TMEM61: variants seen among roughly 807,000 people sequenced by gnomAD.
TMEM61 encodes transmembrane protein 61.
TMEM61 carries 13 observed loss-of-function variants against 12.0 expected under a neutral mutation model. The ratio of observed to expected loss-of-function variants is 1.08; its 90% CI spans 0.70 to 1.72. The LOEUF is 1.72. Among genes scored for constraint, TMEM61 ranks in the 40% most tolerant of loss-of-function variants. The pLI is 0.00. For synonymous variants in TMEM61, 109 were observed against 121.4 expected, an observed-to-expected ratio of 0.90 and a Z score of 0.67; for missense variants, 249 against 276.9, an observed-to-expected ratio of 0.90 and a Z score of 0.71.
intron 1 of TMEM61, among the ~76,000 whole-genome samples, chr1:54,981,708 G>A (rs934097860): frequency 6.6e-6 from 1 of 152,302 alleles, no homozygotes; most frequent in South Asian, 2.1e-4. Context: ...TTGTGCAGGA[G>A]TGGGTGCAGG....
In TMEM61 at chr1:54,987,221, G is replaced by A. The variant is rs535838948; in HGVS notation, c.365+775G>A. ...AATGAGATATGTATGTTGAGCTTTA[G>A]CCGAGTGCCTGGTACACAGTGGGTG... On this transcript the variant is annotated intron_variant, in intron 2 of 2. Transcript: ENST00000371268. Among the ~76,000 whole-genome samples, 13 of 152,322 alleles carry A rather than the reference G, an allele frequency of 8.5e-5. No individual in the cohort carries two copies. The East Asian group carries it at 2.5e-3, about 29-fold the overall frequency.
chr1:54,992,246 A>C lies in TMEM61; in HGVS notation c.*143A>C. ...TTTATCTATTGCTGTATAACAAACC[A>C]CCCCAGAATTTAGTGGCTTAAAATA... On this transcript the variant is annotated 3_prime_UTR_variant, in exon 3 of 3. Transcript: ENST00000371268. 1 of 1,000,194 alleles carries C rather than the reference A, an allele frequency of 1.0e-6. No homozygotes were observed. Among genetic ancestry groups the C allele is most frequent in the Non-Finnish European group, 1.4e-6 (1 of 691,488 alleles). 62.0% of individuals were successfully genotyped at this position (1,000,194 alleles called of 1,614,324 possible). A position where few individuals can be genotyped will look rare whatever the true frequency, so the allele number is the denominator to read the frequency against.
rs1164002963 is a variant in TMEM61, at chr1:54,991,730, A to G, written c.366-106A>G. 7 of 1,334,096 alleles carry G rather than the reference A, an allele frequency of 5.2e-6. No homozygotes were observed. In the African/African-American group the frequency reaches 8.7e-5, roughly 17 times the overall value. 82.6% of individuals were successfully genotyped at this position (1,334,096 alleles called of 1,614,324 possible). A position where few individuals can be genotyped will look rare whatever the true frequency, so the allele number is the denominator to read the frequency against. On this transcript the variant is annotated intron_variant, in intron 2 of 2. Coordinates refer to ENST00000371268, the MANE Select transcript of TMEM61 (RefSeq NM_182532.3). ...ACCCTGGAGAGCCACAAAGGCTTGG[A>G]GCAGGGTGTGAAGACTTCTCTGCCC... is the stretch of plus-strand genomic sequence containing the variant.
At chr1:54,991,687 T>G (rs1644299235) in intron 2 of TMEM61, 149 bp from the exon 3 acceptor site, 1 of 980,628 alleles carries the variant, frequency 1.0e-6, no homozygotes, top group African/African-American at 1.6e-5. Flanking sequence ...CATGCCAAGT[T>G]TCAACTGCGT....
rs1056256939 is a variant in TMEM61, at chr1:54,980,736, G to A, written c.-330G>A. The A allele has an allele frequency of 1.8e-5, 5 of 275,918 alleles. No homozygotes were observed. Among genetic ancestry groups the A allele is most frequent in the African/African-American group, 8.9e-5 (4 of 45,130 alleles). The allele number at this position is 275,918 out of a possible 1,614,324, so 17.1% of individuals were successfully genotyped here. On this transcript the variant is annotated 5_prime_UTR_variant, in exon 1 of 3. Transcript: ENST00000371268. ...TCCCGCGCTCCCCTGGGCGCCCCACGGCAGCCTCAGAGCCCCGCGGGGAGC... is the reference window on the plus strand; with the variant it reads ...TCCCGCGCTCCCCTGGGCGCCCCACAGCAGCCTCAGAGCCCCGCGGGGAGC...
chr1:54,986,317 T>G lies in TMEM61; in HGVS notation c.236T>G (p.Leu79Arg). 6.2e-7 allele frequency: 1 copy of G among 1,614,036 alleles called. No homozygotes were observed. Among genetic ancestry groups the G allele is most frequent in the Non-Finnish European group, 8.5e-7 (1 of 1,180,032 alleles). ...TTCGTCTGCTGCGGTGCAGGTGGCC[T>G]GCTGCTGCTCATTGGCCTGCTGTGG... is the stretch of plus-strand genomic sequence containing the variant. ...VSFVCCGAGG[L>R]LLLIGLLWSV... The change falls in exon 2 of 3, where the codon CTG becomes CGG. Residue 79 changes from leucine (L) to arginine (R), a missense_variant. Transcript: ENST00000371268.
intron 2 of TMEM61, among the ~76,000 whole-genome samples, chr1:54,991,613 A>G (rs759828830): frequency 6.6e-6 from 1 of 152,190 alleles, no homozygotes; most frequent in African/African-American, 2.4e-5. Context: ...GAGCACATAC[A>G]GGGAACTAAT....
intron 1 of TMEM61, among the ~76,000 whole-genome samples, chr1:54,982,213 A>G (rs532657482): frequency 9.9e-5 from 15 of 152,206 alleles, no homozygotes; most frequent in African/African-American, 2.6e-4. Context: ...GATGCATCTG[A>G]TTCCCGGAAA....
intron 1 of TMEM61, 40 bp from the exon 2 acceptor site, chr1:54,986,057 T>G: frequency 6.5e-7 from 1 of 1,530,102 alleles, no homozygotes; most frequent in Non-Finnish European, 8.9e-7. Context: ...GCACCTTTCA[T>G]ATGGCCCATT....
intron 2 of TMEM61, among the ~76,000 whole-genome samples, chr1:54,989,466 A>G (rs1251051019): frequency 6.6e-6 from 1 of 152,224 alleles, no homozygotes; most frequent in African/African-American, 2.4e-5. Context: ...TCCTGCCCCA[A>G]CCAGACTCCA....
chr1:54,988,544 C>G (rs928421381), intron 2 of TMEM61, among the ~76,000 whole-genome samples: 1 of 152,322 alleles, frequency 6.6e-6, no homozygotes, highest in Non-Finnish European at 1.5e-5. Flanking sequence ...CAGCACCTGG[C>G]CCCCATGGGT....
intron 1 of TMEM61, among the ~76,000 whole-genome samples, chr1:54,981,914 GAAT>G (rs1379545572): frequency 6.6e-6 from 1 of 152,152 alleles, no homozygotes; most frequent in Non-Finnish European, 1.5e-5. Context: ...ATCATAATAA[GAAT>G]AAATTTTATT....
chr1:54,981,239 G>A (rs1644218830), intron 1 of TMEM61, among the ~76,000 whole-genome samples, 159 bp downstream of exon 1: 1 of 152,202 alleles, frequency 6.6e-6, no homozygotes, highest in African/African-American at 2.4e-5. Context: ...GTGGCTTGAG[G>A]CCATGGCACT....
chr1:54,981,388 C>T (rs1423647547), intron 1 of TMEM61, among the ~76,000 whole-genome samples: 3 of 152,136 alleles, frequency 2.0e-5, no homozygotes, highest in African/African-American at 4.8e-5. Flanking sequence ...GAGGCCGAGG[C>T]GGGCTGATAA....
At chr1:54,981,230 T>C in intron 1 of TMEM61, 150 bp downstream of exon 1, 2 of 823,536 alleles carry the variant, frequency 2.4e-6, no homozygotes, top group African/African-American at 1.8e-5. Context: ...TCTTGCTGGG[T>C]GGCTTGAGGC....
At chr1:54,982,106 T>C (rs977531782) in intron 1 of TMEM61, among the ~76,000 whole-genome samples, 3 of 152,146 alleles carry the variant, frequency 2.0e-5, no homozygotes, top group African/African-American at 7.2e-5. Flanking sequence ...TTTCATTACC[T>C]GCTTTCCCCT....
rs538088622 is a variant in TMEM61 at position 54,982,524 on chromosome 1, G to A, written c.15+1444G>A. ...TGGCAGGTTAGCATGTGCCCTGCCT[G>A]CTGTGGGGGATCCACATGGAAGGAG... On this transcript the variant is annotated intron_variant, in intron 1 of 2. Coordinates refer to ENST00000371268, the MANE Select transcript of TMEM61 (RefSeq NM_182532.3). 4.6e-5 allele frequency among the ~76,000 whole-genome samples: 7 copies of A among 152,316 alleles called. No individual in the cohort carries two copies. In the East Asian group the frequency reaches 1.3e-3, roughly 29 times the overall value.
At chr1:54,990,430 G>C (rs1644287890) in intron 2 of TMEM61, among the ~76,000 whole-genome samples, 1 of 152,154 alleles carries the variant, frequency 6.6e-6, no homozygotes, top group Non-Finnish European at 1.5e-5. Context: ...GAAAGTCCAG[G>C]TCCCCGGTGG....
Position 54,983,122 on chromosome 1 carries a change from G to GTT in TMEM61, c.15+2050_15+2051dup, listed in dbSNP as rs77100620. On this transcript the variant is annotated intron_variant, in intron 1 of 2. Coordinates refer to ENST00000371268, the MANE Select transcript of TMEM61 (RefSeq NM_182532.3). ...GTGTTTTGCTTTGTTTTTTTTTTTT[G>GTT]TTTTTTTTTGAGAAAGAGTCTCACT... Among the ~76,000 whole-genome samples, 4 of 124,826 alleles carry GTT rather than the reference G, an allele frequency of 3.2e-5. 1 individual carries two copies. Among genetic ancestry groups the GTT allele is most frequent in the East Asian group, 4.7e-4 (2 of 4,296 alleles). 81.9% of individuals were successfully genotyped at this position (124,826 alleles called of 152,430 possible).
Sources: gnomAD v4.1 joint callset for allele counts (sites outside exome capture counted in the v4.1 genomes callset) on GRCh38, gnomAD v4.1.1 for gene constraint, MANE v1.5 for transcripts, NCBI Gene and HGNC (gene_info 2026-07-23, HGNC 2026-07-21) for gene names.